KIAA1549: variants seen among roughly 807,000 people sequenced by gnomAD.
The protein encoded by KIAA1549 is KIAA1549.
Under a neutral mutation model 156.4 loss-of-function variants are expected in KIAA1549, and 70 were observed. The ratio of observed to expected loss-of-function variants is 0.45; its 90% CI spans 0.37 to 0.55. KIAA1549 has a LOEUF of 0.55. Ranked by LOEUF, KIAA1549 falls within the 20% of genes least tolerant of loss-of-function variation. The pLI is 0.00. For synonymous variants in KIAA1549, 1,103 were observed against 1,066.4 expected (o/e 1.03, Z -0.67); for missense variants, 2,428 against 2,540.9 (o/e 0.96, Z 0.96).
At chr7:138,906,841 A>G in intron 6 of KIAA1549, 78 bp downstream of exon 6, 1 of 1,179,654 alleles carries the variant, frequency 8.5e-7, no homozygotes. Flanking sequence ...TAAAAAACTA[A>G]AAAAATTTTA....
Position 138,879,572 on chromosome 7 carries a change from G to T in KIAA1549, c.4311C>A (p.Val1437=). 6.4e-7 allele frequency: 1 copy of T among 1,568,476 alleles called. No homozygotes were observed. The highest frequency in any genetic ancestry group is 8.6e-7 in the Non-Finnish European group (1 of 1,156,352). ...RDAGDKTPGA[V]NDGRSHRAPQ... is the part of the protein sequence containing the mutation. ...GAGCTCTGTGGGACCTGCCATCGTT[G>T]ACGGCTCCCGGCGTCTTATCTCCTG... Residue 1437 remains valine, a synonymous_variant, in exon 12 of 20, where the codon GTC becomes GTA. Transcript: ENST00000422774.
In KIAA1549 at chr7:138,861,357, G is replaced by T. The variant is rs1478418173; in HGVS notation, c.5029C>A (p.Gln1677Lys). 6.2e-7 allele frequency: 1 copy of T among 1,610,072 alleles called. No homozygotes were observed. Among genetic ancestry groups the T allele is most frequent in the Non-Finnish European group, 8.5e-7 (1 of 1,178,842 alleles). The change falls in exon 16 of 20, where the codon CAG becomes AAG. Residue 1677 changes from glutamine to lysine, a missense_variant. Gln to Lys is a moderately conservative substitution (Grantham distance 53, BLOSUM62 1). Transcript: ENST00000422774. ...TGGCGTGCCTCCTCGATGGACGGCT[G>T]GGGTGGGATGTACTGGGAGGCCGGG... Reference protein sequence around the residue: ...PFPASQYIPPQPSIEEARQTM... With the variant: ...PFPASQYIPPKPSIEEARQTM...
chr7:138,849,639 G>A (rs527744834), intron 17 of KIAA1549, among the ~76,000 whole-genome samples: 4 of 151,834 alleles, frequency 2.6e-5, no homozygotes, highest in African/African-American at 9.7e-5. Context: ...GGGGTTTGTG[G>A]TACAGATTAT....
intron 1 of KIAA1549, among the ~76,000 whole-genome samples, chr7:138,951,130 A>G (rs919173219): frequency 2.0e-5 from 3 of 151,844 alleles, no homozygotes; most frequent in African/African-American, 7.3e-5. Context: ...CAGTGGTGCA[A>G]TCTCGGCTCA....
chr7:138,858,707 C>G (rs899742390), intron 16 of KIAA1549, among the ~76,000 whole-genome samples: 4 of 152,038 alleles, frequency 2.6e-5, no homozygotes, highest in Admixed American at 6.6e-5. Flanking sequence ...TCTGCTCAGG[C>G]TGCCAAAACA....
rs776032942 is a variant in KIAA1549 at position 138,918,442 on chromosome 7, C to A, written c.1184G>T (p.Ser395Ile). 3.7e-6 allele frequency: 6 copies of A among 1,613,934 alleles called. No homozygotes were observed. Among genetic ancestry groups the A allele is most frequent in the Non-Finnish European group, 5.1e-6 (6 of 1,179,886 alleles). ...CACAGGACCGGGGAGGGCTGAATTG[C>A]TATGCAATTCGGATGTTTTGCTGGA... is the stretch of plus-strand genomic sequence containing the variant. The part of the protein sequence containing the change: ...SDSSKTSELH[S>I]NSALPGPVDN... The change falls in exon 2 of 20, where the codon AGC becomes ATC. Residue 395 changes from serine to isoleucine, a missense_variant. Transcript: ENST00000422774. This position sits in a 1 kb window ranked among gnomAD's most constrained non-coding sequence, Gnocchi z 4.2.
intron 8 of KIAA1549, among the ~76,000 whole-genome samples, chr7:138,899,459 C>T (rs563961509): frequency 4.6e-5 from 7 of 152,204 alleles, no homozygotes; most frequent in Non-Finnish European, 1.0e-4. Context: ...GTGCTGACCA[C>T]GTCATAAGAG....
intron 1 of KIAA1549, among the ~76,000 whole-genome samples, chr7:138,964,566 C>A (rs1286570199): frequency 6.6e-6 from 1 of 152,182 alleles, no homozygotes; most frequent in Non-Finnish European, 1.5e-5. Context: ...TTATTATTCC[C>A]AGCTCAGCCC....
rs915480461 is a variant in KIAA1549, at chr7:138,941,606, G to A, written c.188-22168C>T. 5.3e-5 allele frequency among the ~76,000 whole-genome samples: 8 copies of A among 152,268 alleles called. 2 individuals carry two copies. The highest frequency in any genetic ancestry group is 4.6e-4 in the Admixed American group (7 of 15,294). On this transcript the variant is annotated intron_variant, in intron 1 of 19. Coordinates refer to ENST00000422774, the MANE Select transcript of KIAA1549 (RefSeq NM_001164665.2). ...TTAATAAACAGTAAAATACCTGTGC[G>A]ACAGAAGAATCCTCCTCCCTTCAAA... is the stretch of plus-strand genomic sequence containing the variant.
chr7:138,832,596 C>T lies in KIAA1549; in HGVS notation c.*5310G>A, dbSNP rs1412046540. The T allele has an allele frequency of 4.8e-6, 1 of 208,174 alleles. No individual in the cohort carries two copies. Among genetic ancestry groups the T allele is most frequent in the Non-Finnish European group, 9.8e-6 (1 of 102,200 alleles). The allele number at this position is 208,174 out of a possible 1,614,324, so 12.9% of individuals were successfully genotyped here. ...GGATAATTATCTACCCTGTGGGAAG[C>T]CATTTTAACTATACTGCATTAAGAC... On this transcript the variant is annotated 3_prime_UTR_variant, in exon 20 of 20. Coordinates refer to ENST00000422774, the MANE Select transcript of KIAA1549 (RefSeq NM_001164665.2).
chr7:138,853,678 T>C (rs1449219350), intron 16 of KIAA1549, among the ~76,000 whole-genome samples: 1 of 152,300 alleles, frequency 6.6e-6, no homozygotes, highest in East Asian at 1.9e-4. Context: ...TTGGCTGTCA[T>C]GTGGAACCTT....
chr7:138,839,778 CTTTTTT>C (rs763327649), intron 19 of KIAA1549, among the ~76,000 whole-genome samples: 1 of 61,362 alleles, frequency 1.6e-5, no homozygotes, highest in Non-Finnish European at 3.0e-5. Flanking sequence ...GGGATTATGT[CTTTTTT>C]TTTTTTTTTT....
chr7:138,860,215 T>C (rs1810532383), intron 16 of KIAA1549, among the ~76,000 whole-genome samples: 1 of 152,184 alleles, frequency 6.6e-6, no homozygotes, highest in Non-Finnish European at 1.5e-5. Context: ...AAAACAGTAA[T>C]GATTAGATTG....
rs1237296856 is a variant in KIAA1549 at position 138,919,424 on chromosome 7, C to T, written c.202G>A (p.Glu68Lys). The T allele has an allele frequency of 6.2e-7, 1 of 1,613,234 alleles. No individual in the cohort carries two copies. Among genetic ancestry groups the T allele is most frequent in the Non-Finnish European group, 8.5e-7 (1 of 1,179,474 alleles). ...GAGTATAAAGAAAGGTTGTGCTGTT[C>T]CGGAGAGAGCTCATCTATCAAGAAA... ...ASCAPDELSPEQHNLSLYSME... is the reference protein window; with the variant it reads ...ASCAPDELSPKQHNLSLYSME... The change falls in exon 2 of 20, where the codon GAA (glutamate) becomes AAA (lysine). Residue 68 changes from glutamate (E) to lysine (K), a missense_variant. Glu to Lys is a moderately conservative substitution (Grantham distance 56, BLOSUM62 1). This residue lies in a region of KIAA1549 where 893 missense variants were observed against 847.9 expected (regional missense o/e 1.05). Transcript: ENST00000422774.
intron 1 of KIAA1549, among the ~76,000 whole-genome samples, chr7:138,978,288 T>A (rs1344727823): frequency 6.6e-6 from 1 of 152,208 alleles, no homozygotes; most frequent in East Asian, 1.9e-4. Flanking sequence ...CCAAATTCCC[T>A]ACAAAGCAAT....
At chr7:138,908,127 A>G (rs1263402248) in intron 5 of KIAA1549, among the ~76,000 whole-genome samples, 1 of 152,124 alleles carries the variant, frequency 6.6e-6, no homozygotes, top group Non-Finnish European at 1.5e-5. Context: ...AAAATGAACA[A>G]CTTGGTTCTT....
chr7:138,943,228 A>C (rs990295314), intron 1 of KIAA1549, among the ~76,000 whole-genome samples: 1 of 152,152 alleles, frequency 6.6e-6, no homozygotes, highest in Admixed American at 6.5e-5. Context: ...CTCGAGTCCC[A>C]CAAAGGCCGA....
chr7:138,873,201 C>T (rs1810987242), intron 12 of KIAA1549, among the ~76,000 whole-genome samples: 2 of 152,174 alleles, frequency 1.3e-5, no homozygotes, highest in South Asian at 2.1e-4. Context: ...ATTTGAATTA[C>T]ATTCATTATC....
At chr7:138,974,353 G>A (rs1814310373) in intron 1 of KIAA1549, among the ~76,000 whole-genome samples, 1 of 152,046 alleles carries the variant, frequency 6.6e-6, no homozygotes, top group Non-Finnish European at 1.5e-5. Flanking sequence ...AGGGCAGGGA[G>A]GCTCAGGGTA....
Sources: allele counts gnomAD v4.1 joint callset (sites outside exome capture counted in the v4.1 genomes callset), GRCh38; gene constraint gnomAD v4.1.1; regional missense constraint gnomAD v4.1.1; non-coding constraint Gnocchi (gnomAD v3.1); transcripts MANE v1.5; gene names NCBI Gene and HGNC (gene_info 2026-07-23, HGNC 2026-07-21).